Variants in MYO16 observed in about 807,000 individuals in gnomAD.
MYO16 encodes the protein myosin XVI.
In MYO16, 94 loss-of-function variants were observed where a neutral mutation model predicts 205.3. That is an observed-to-expected ratio of 0.46 (90% confidence interval 0.39 to 0.54). The LOEUF is 0.54. MYO16 is among the 20% of genes least tolerant of loss of function. The pLI is 0.00. For missense variants in MYO16, 2,315 were observed against 2,387.5 expected (o/e 0.97, Z 0.63); for synonymous variants, 988 against 954.0 (o/e 1.04, Z -0.66).
At chr13:109,158,921 G>A (rs114325882) in intron 32 of MYO16, among the ~76,000 whole-genome samples, 44 of 152,274 alleles carry the variant, frequency 2.9e-4, no homozygotes, top group South Asian at 2.1e-4. Flanking sequence ...GCCCCTTCAC[G>A]TAACTACGGG....
At chr13:108,553,459 T>C in the MYO16 span, among the ~76,000 whole-genome samples, 1 of 152,190 alleles carries the variant, frequency 6.6e-6, no homozygotes, top group Non-Finnish European at 1.5e-5. Flanking sequence ...CCTACCAGTC[T>C]GGATGAGAAG....
At chr13:108,872,087 G>A (rs945791694) in intron 12 of MYO16, among the ~76,000 whole-genome samples, 9 of 152,098 alleles carry the variant, frequency 5.9e-5, no homozygotes, top group Non-Finnish European at 2.9e-5. Context: ...TTTTAATTCT[G>A]TATGCACCAA....
intron 15 of MYO16, among the ~76,000 whole-genome samples, chr13:108,904,397 G>T (rs1880859709): frequency 6.6e-6 from 1 of 152,102 alleles, no homozygotes; most frequent in Non-Finnish European, 1.5e-5. Flanking sequence ...TGCCAACAAT[G>T]ACTTAGTTTT....
chr13:108,837,754 A>AG (rs1291160933), intron 9 of MYO16, among the ~76,000 whole-genome samples: 3 of 152,226 alleles, frequency 2.0e-5, no homozygotes, highest in African/African-American at 4.8e-5. Flanking sequence ...GGAGTCTGCC[A>AG]GTGATACTGC....
chr13:108,908,825 T>C (rs1376457814), intron 15 of MYO16, among the ~76,000 whole-genome samples: 1 of 151,714 alleles, frequency 6.6e-6, no homozygotes, highest in Non-Finnish European at 1.5e-5. Flanking sequence ...AATACAAAAA[T>C]TAGCTGGTGT....
chr13:109,126,795 TA>T (rs2139773901), intron 30 of MYO16, among the ~76,000 whole-genome samples: 1 of 152,340 alleles, frequency 6.6e-6, no homozygotes, highest in Non-Finnish European at 1.5e-5. Flanking sequence ...CACTGAAATG[TA>T]AATTTCTGAG....
chr13:108,589,331 T>C, the MYO16 span, among the ~76,000 whole-genome samples: 1 of 152,224 alleles, frequency 6.6e-6, no homozygotes. Flanking sequence ...TATTTTCATA[T>C]TACAATTTAA....
chr13:109,199,192 GTATATATATATATATATATATATATA>G (rs4000581), intron 34 of MYO16, among the ~76,000 whole-genome samples: 5,540 of 75,608 alleles, frequency 0.073, 362 homozygotes, highest in South Asian at 0.12. Flanking sequence ...AATAAAAAAG[GTATATATATATATATATATATATATA>G]TATATATATA....
At chr13:109,097,871 A>C in intron 27 of MYO16, among the ~76,000 whole-genome samples, 1 of 152,226 alleles carries the variant, frequency 6.6e-6, no homozygotes, top group Non-Finnish European at 1.5e-5. Flanking sequence ...GTTTTTGGCT[A>C]GCAAGATGAT....
chr13:108,827,110 A>G (rs1405603640), intron 9 of MYO16, among the ~76,000 whole-genome samples: 1 of 152,176 alleles, frequency 6.6e-6, no homozygotes, highest in Non-Finnish European at 1.5e-5. Context: ...GGAGTTTTAT[A>G]TATAAGAACA....
chr13:108,850,313 T>C (rs2139088003), intron 10 of MYO16, among the ~76,000 whole-genome samples: 1 of 152,324 alleles, frequency 6.6e-6, no homozygotes, highest in African/African-American at 2.4e-5. Context: ...GTAAAGCCCA[T>C]GGTACTCAAA....
At chr13:108,817,490 T>C (rs1423697967) in intron 7 of MYO16, among the ~76,000 whole-genome samples, 1 of 149,418 alleles carries the variant, frequency 6.7e-6, no homozygotes, top group Non-Finnish European at 1.5e-5. Flanking sequence ...TCACACTGTG[T>C]TTTCTTGTAT....
At chr13:108,556,235 G>A in the MYO16 span, among the ~76,000 whole-genome samples, 1 of 152,002 alleles carries the variant, frequency 6.6e-6, no homozygotes, top group Non-Finnish European at 1.5e-5. Context: ...TCAATAATGG[G>A]TGTACTAATT....
chr13:108,981,352 C>G (rs1018481195), intron 20 of MYO16, among the ~76,000 whole-genome samples: 1 of 152,198 alleles, frequency 6.6e-6, no homozygotes, highest in African/African-American at 2.4e-5. Context: ...ATGTGGTAAA[C>G]TGCAAAAAAG....
intron 4 of MYO16, among the ~76,000 whole-genome samples, chr13:108,767,579 AC>A (rs1885823095): frequency 7.2e-5 from 11 of 152,186 alleles, no homozygotes; most frequent in African/African-American, 2.4e-4. Flanking sequence ...TTCTGGGAAT[AC>A]CATTTGCAAG....
chr13:108,741,109 C>T (rs1594255927), intron 4 of MYO16, among the ~76,000 whole-genome samples: 1 of 152,138 alleles, frequency 6.6e-6, no homozygotes, highest in East Asian at 1.9e-4. Context: ...CGCCCTGCTT[C>T]AGCTCTTACT....
At chr13:108,537,187 T>C in the MYO16 span, among the ~76,000 whole-genome samples, 41 of 152,242 alleles carry the variant, frequency 2.7e-4, no homozygotes, top group East Asian at 7.3e-3. Context: ...TATCTGTTAT[T>C]CCCATTTTTA....
intron 34 of MYO16, among the ~76,000 whole-genome samples, chr13:109,186,507 T>A (rs1536781): frequency 6.6e-6 from 1 of 151,932 alleles, no homozygotes; most frequent in Non-Finnish European, 1.5e-5. Context: ...TCAGTGCCAA[T>A]ATGCAGGTCA....
intron 1 of MYO16, among the ~76,000 whole-genome samples, chr13:108,649,371 C>T (rs954313312): frequency 7.9e-5 from 12 of 152,092 alleles, no homozygotes; most frequent in East Asian, 1.9e-4. Context: ...TTTCCAGTCC[C>T]GTGGGCAGTT....
Sources: allele counts gnomAD v4.1 joint callset (sites outside exome capture counted in the v4.1 genomes callset), GRCh38; gene constraint gnomAD v4.1.1; transcripts MANE v1.5; gene names NCBI Gene and HGNC (gene_info 2026-07-23, HGNC 2026-07-21).